IQSEC1: variants seen among roughly 807,000 people sequenced by gnomAD.
IQSEC1 encodes IQ motif and Sec7 domain ArfGEF 1, also known as IQ motif and SEC7 domain-containing protein 1.
Under a neutral mutation model 91.0 loss-of-function variants are expected in IQSEC1, and 31 were observed. That is an observed-to-expected ratio of 0.34 (90% CI 0.26 to 0.46). IQSEC1 has a LOEUF of 0.46. Ranked by LOEUF, IQSEC1 falls within the 20% of genes least tolerant of loss-of-function variation. The pLI is 1.00. For missense variants in IQSEC1, 1,388 were observed against 1,575.6 expected (o/e 0.88, Z 2.02); for synonymous variants, 699 against 662.6 (o/e 1.05, Z -0.84).
intron 2 of IQSEC1, among the ~76,000 whole-genome samples, chr3:13,161,294 C>T (rs912064853): frequency 2.0e-5 from 3 of 151,918 alleles, no homozygotes; most frequent in African/African-American, 4.8e-5. Context: ...AGGGGGAGTG[C>T]GGGAGGAGAA....
chr3:13,038,808 T>G lies in IQSEC1; in HGVS notation c.23+34184A>C, dbSNP rs1229367801. Among the ~76,000 whole-genome samples, 3 of 152,180 alleles carry G rather than the reference T, an allele frequency of 2.0e-5. No individual in the cohort carries two copies. The South Asian group carries it at 6.2e-4, about 32-fold the overall frequency. On this transcript the variant is annotated intron_variant, in intron 1 of 13. Coordinates refer to ENST00000613206, the MANE Select transcript of IQSEC1 (RefSeq NM_001134382.3). Reference sequence around the variant, plus strand: ...TTTGGAAAGCAAGCTCACTAAGCCATGAATTCTCCATGAAGTGTGTATTTC... The same window carrying G: ...TTTGGAAAGCAAGCTCACTAAGCCAGGAATTCTCCATGAAGTGTGTATTTC...
At chr3:12,953,535 C>T (rs931882932) in intron 1 of IQSEC1, among the ~76,000 whole-genome samples, 8 of 152,176 alleles carry the variant, frequency 5.3e-5, no homozygotes, top group East Asian at 3.8e-4. Context: ...CTTTTCAAAG[C>T]GGGAGGCTAT....
intron 1 of IQSEC1, among the ~76,000 whole-genome samples, chr3:13,185,028 A>G (rs1693906968): frequency 6.6e-6 from 1 of 152,210 alleles, no homozygotes; most frequent in Non-Finnish European, 1.5e-5. Context: ...AGAGAGCAAG[A>G]GTCGGAGACC....
At chr3:12,941,510 A>T in intron 2 of IQSEC1, 61 bp downstream of exon 2, 1 of 1,439,334 alleles carries the variant, frequency 6.9e-7, no homozygotes. Context: ...GTGGGGGCAC[A>T]CATGGTGGGC....
intron 1 of IQSEC1, among the ~76,000 whole-genome samples, chr3:13,061,249 G>A (rs1166989545): frequency 1.3e-5 from 2 of 152,134 alleles, no homozygotes; most frequent in Non-Finnish European, 2.9e-5. Context: ...TCTCTTCATC[G>A]TTCCTCCCCA....
chr3:13,121,833 G>C (rs549906143), intron 2 of IQSEC1, among the ~76,000 whole-genome samples: 1 of 152,234 alleles, frequency 6.6e-6, no homozygotes, highest in Non-Finnish European at 1.5e-5. Context: ...TGAGGGGACA[G>C]ACTAGGCCGC....
intron 1 of IQSEC1, among the ~76,000 whole-genome samples, chr3:13,277,236 C>A (rs1446907248): frequency 6.6e-6 from 1 of 151,908 alleles, no homozygotes; most frequent in East Asian, 1.9e-4. Context: ...ACGCTGATGT[C>A]CCCAAATGCC....
rs772338671 is a variant in IQSEC1, at chr3:12,909,428, G to C, written c.2423C>G (p.Pro808Arg). 3 of 1,613,754 alleles carry C rather than the reference G, an allele frequency of 1.9e-6. No homozygotes were observed. The South Asian group carries it at 3.3e-5, about 18-fold the overall frequency. The stretch of plus-strand genomic sequence containing the variant: ...AGACGAGGTGAGCCGGATGCCATTG[G>C]GGTAGTCTGCAAAAGGGAAGGAGAG... ...QVLLFENQYY[P>R]NGIRLTSSVP... The change falls in exon 11 of 14, where the codon CCC becomes CGC. Residue 808 changes from proline (P) to arginine (R), a missense_variant. By Grantham distance (103) the Pro-to-Arg change is moderately radical. Around this residue, in one of 2 missense-constraint regions of IQSEC1, gnomAD observed 1,059 missense variants for 1,317.8 expected, o/e 0.80. Transcript: ENST00000613206. The surrounding 1 kb of genome is among the most constrained non-coding windows in gnomAD (Gnocchi z 4.9).
intron 1 of IQSEC1, among the ~76,000 whole-genome samples, chr3:13,245,704 T>G (rs1695096747): frequency 6.7e-6 from 1 of 150,322 alleles, no homozygotes. Flanking sequence ...GAGGTGGAGG[T>G]TGCAGTGAGC....
chr3:13,001,655 A>G (rs1269996366), intron 1 of IQSEC1, among the ~76,000 whole-genome samples: 3 of 152,258 alleles, frequency 2.0e-5, no homozygotes, highest in Non-Finnish European at 4.4e-5. Flanking sequence ...ATGATGTTTA[A>G]AAATGTATTG....
chr3:13,080,428 G>T (rs1705630522), intron 2 of IQSEC1, among the ~76,000 whole-genome samples: 1 of 152,180 alleles, frequency 6.6e-6, no homozygotes, highest in Non-Finnish European at 1.5e-5. Context: ...CAGGGACACA[G>T]GCAGAGATGC....
intron 1 of IQSEC1, among the ~76,000 whole-genome samples, chr3:13,176,909 G>C (rs1162845999): frequency 2.0e-5 from 3 of 152,212 alleles, no homozygotes; most frequent in Non-Finnish European, 4.4e-5. Context: ...ATGAAGTACT[G>C]ATACATACAA....
chr3:13,120,484 C>T (rs947924141), intron 2 of IQSEC1, among the ~76,000 whole-genome samples: 2 of 152,212 alleles, frequency 1.3e-5, no homozygotes, highest in African/African-American at 4.8e-5. Context: ...AGTAACCTCT[C>T]TGGGCTCCGT....
chr3:13,260,768 C>T (rs80086023), intron 1 of IQSEC1, among the ~76,000 whole-genome samples: 1 of 97,606 alleles, frequency 1.0e-5, no homozygotes. Flanking sequence ...GTGCACGGGG[C>T]GTGGAAGGAG....
intron 2 of IQSEC1, among the ~76,000 whole-genome samples, chr3:13,106,745 C>T (rs541564251): frequency 5.3e-5 from 8 of 152,256 alleles, no homozygotes; most frequent in Non-Finnish European, 1.0e-4. Flanking sequence ...ACCCTGAGTA[C>T]ACACTCAAAA....
At chr3:13,063,504 T>C (rs920460767) in intron 1 of IQSEC1, among the ~76,000 whole-genome samples, 1 of 151,828 alleles carries the variant, frequency 6.6e-6, no homozygotes, top group Non-Finnish European at 1.5e-5. Context: ...AGGGCAGGAG[T>C]GGCCGTCAGC....
rs78609550 is a variant in IQSEC1 at position 13,034,923 on chromosome 3, G to A, written c.23+38069C>T. Among the ~76,000 whole-genome samples the A allele has an allele frequency of 9.8e-5, 15 of 152,312 alleles. No individual in the cohort carries two copies. The East Asian group carries it at 2.1e-3, about 22-fold the overall frequency. The stretch of plus-strand genomic sequence containing the variant: ...CAGTATTCCCATGCTCCCAGGGATC[G>A]GCCTCGCCCCGACAGGGCACAGTGC... On this transcript the variant is annotated intron_variant, in intron 1 of 13. Coordinates refer to ENST00000613206, the MANE Select transcript of IQSEC1 (RefSeq NM_001134382.3).
chr3:12,902,670 C>CGA, intron 13 of IQSEC1, 103 bp downstream of exon 13: 1 of 191,022 alleles, frequency 5.2e-6, no homozygotes, highest in Non-Finnish European at 9.1e-6. Flanking sequence ...AAAAAAAAAC[C>CGA]AAAAAAAAAA....
intron 2 of IQSEC1, among the ~76,000 whole-genome samples, chr3:13,111,821 A>G (rs1165127251): frequency 6.6e-6 from 1 of 152,216 alleles, no homozygotes; most frequent in Non-Finnish European, 1.5e-5. Flanking sequence ...ATCCACCAGC[A>G]ACCTGACCTT....
Sources: gnomAD v4.1 joint callset for allele counts (sites outside exome capture counted in the v4.1 genomes callset) on GRCh38, gnomAD v4.1.1 for gene constraint, gnomAD v4.1.1 regional missense constraint, Gnocchi (gnomAD v3.1) non-coding constraint, MANE v1.5 for transcripts, NCBI Gene and HGNC (gene_info 2026-07-23, HGNC 2026-07-21) for gene names.